ADAM18: variants seen among roughly 807,000 people sequenced by gnomAD.
ADAM18 encodes the protein disintegrin and metalloproteinase domain-containing protein 18.
In ADAM18, 117 loss-of-function variants were observed where a neutral mutation model predicts 94.4. The ratio of observed to expected loss-of-function variants is 1.24; its 90% CI spans 1.07 to 1.45. The LOEUF (loss-of-function observed/expected upper bound fraction) is 1.45. Ranked by LOEUF, ADAM18 falls within the 40% of genes most tolerant of loss-of-function variation. The pLI is 0.00. For synonymous variants in ADAM18, 327 were observed against 291.6 expected, an observed-to-expected ratio of 1.12 and a Z score of -1.24; for missense variants, 936 against 880.0, an observed-to-expected ratio of 1.06 and a Z score of -0.81.
At chr8:39,701,346 CT>C (rs1822073096) in intron 17 of ADAM18, among the ~76,000 whole-genome samples, 1 of 151,428 alleles carries the variant, frequency 6.6e-6, no homozygotes, top group African/African-American at 2.4e-5. Context: ...CTAATTTTCA[CT>C]TTTTAATACG....
At chr8:39,629,333 CAT>C in intron 6 of ADAM18, 39 bp from the exon 7 acceptor site, 1 of 1,434,226 alleles carries the variant, frequency 7.0e-7, no homozygotes, top group Non-Finnish European at 9.6e-7. Flanking sequence ...AAATTCAATA[CAT>C]GTTAACATTT....
At chr8:39,676,131 C>T (rs1821294837) in intron 14 of ADAM18, among the ~76,000 whole-genome samples, 1 of 152,180 alleles carries the variant, frequency 6.6e-6, no homozygotes, top group South Asian at 2.1e-4. Context: ...GCAGTCTGTC[C>T]CTTCTCAGAG....
chr8:39,710,456 G>C (rs1822364661), intron 18 of ADAM18, among the ~76,000 whole-genome samples: 1 of 152,154 alleles, frequency 6.6e-6, no homozygotes, highest in Non-Finnish European at 1.5e-5. Context: ...GTTGAAGAAA[G>C]TCAGTACTTG....
At chr8:39,599,333 G>A (rs566274519) in intron 2 of ADAM18, among the ~76,000 whole-genome samples, 1 of 152,258 alleles carries the variant, frequency 6.6e-6, no homozygotes, top group South Asian at 2.1e-4. Flanking sequence ...TGTTGAATAA[G>A]ATTTGCTAAT....
Position 39,723,877 on chromosome 8 carries a change from CAT to C in ADAM18, c.2148_2149del (p.Cys717Ter). The C allele has an allele frequency of 6.4e-7, 1 of 1,557,390 alleles. No homozygotes were observed. Among genetic ancestry groups the C allele is most frequent in the Non-Finnish European group, 8.7e-7 (1 of 1,149,854 alleles). ...TTTAAAAGAAATGAAATAAGTAAAT[CAT>C]GTAACAGAGAGAATGCAGAGTATAA... On this transcript the variant is annotated frameshift_variant, in exon 19 of 20. Coordinates refer to ENST00000265707, the MANE Select transcript of ADAM18 (RefSeq NM_014237.3). LOFTEE classifies it low-confidence loss of function (END_TRUNC).
intron 7 of ADAM18, among the ~76,000 whole-genome samples, chr8:39,632,676 TAGTG>T (rs1396860561): frequency 6.6e-6 from 1 of 152,116 alleles, no homozygotes; most frequent in Non-Finnish European, 1.5e-5. Context: ...TCAAATAAGT[TAGTG>T]AGTTTTCTTC....
At chr8:39,637,222 T>C in intron 7 of ADAM18, 42 bp from the exon 8 acceptor site, 1 of 1,410,990 alleles carries the variant, frequency 7.1e-7, no homozygotes, top group Non-Finnish European at 9.8e-7. Flanking sequence ...TTCACATGGA[T>C]TCAAAATAAT....
intron 7 of ADAM18, among the ~76,000 whole-genome samples, chr8:39,631,658 C>A (rs1236362985): frequency 6.6e-6 from 1 of 151,744 alleles, no homozygotes; most frequent in African/African-American, 2.4e-5. Context: ...ATTCTGGGCC[C>A]CTTTTATTTA....
intron 14 of ADAM18, among the ~76,000 whole-genome samples, chr8:39,672,478 A>G (rs966559684): frequency 6.6e-6 from 1 of 152,190 alleles, no homozygotes; most frequent in African/African-American, 2.4e-5. Context: ...GAGAGTTAAT[A>G]TAATACGATT....
At position 39,610,643 on chromosome 8, in the gene ADAM18, A is replaced by G. The variant is rs1408357821; in HGVS notation, c.459A>G (p.Leu153=). 3 of 1,613,036 alleles carry G rather than the reference A, an allele frequency of 1.9e-6. No individual in the cohort carries two copies. Among genetic ancestry groups the G allele is most frequent in the Admixed American group, 1.7e-5 (1 of 59,968 alleles). The part of the protein sequence containing the change: ...MKNNDPNVSI[L]AVNYSHIWQK... Reference sequence around the variant, plus strand: ...ATAATGATCCAAATGTATCCATTTTAGCAGTAAATTACAGTCATATTTGGC... The same window carrying G: ...ATAATGATCCAAATGTATCCATTTTGGCAGTAAATTACAGTCATATTTGGC... Residue 153 remains leucine, a synonymous_variant, in exon 6 of 20, where the codon TTA becomes TTG. Coordinates refer to ENST00000265707, the MANE Select transcript of ADAM18 (RefSeq NM_014237.3).
chr8:39,669,584 C>A (rs1461690502), intron 14 of ADAM18, among the ~76,000 whole-genome samples: 13 of 150,664 alleles, frequency 8.6e-5, no homozygotes, highest in African/African-American at 3.2e-4. Flanking sequence ...TTGTCCTTGC[C>A]ATAGTTTGCT....
intron 12 of ADAM18, among the ~76,000 whole-genome samples, chr8:39,653,003 T>C (rs1350291038): frequency 6.6e-6 from 1 of 152,048 alleles, no homozygotes; most frequent in Non-Finnish European, 1.5e-5. Flanking sequence ...AGGAGTAAAA[T>C]GGTGCTACCA....
At chr8:39,643,785 T>C (rs1332941614) in intron 10 of ADAM18, among the ~76,000 whole-genome samples, 3 of 151,602 alleles carry the variant, frequency 2.0e-5, no homozygotes, top group African/African-American at 7.3e-5. Context: ...TTTATCTAAA[T>C]ACCTTCTTTT....
chr8:39,661,415 C>A (rs1031499239), intron 12 of ADAM18, among the ~76,000 whole-genome samples: 2 of 145,392 alleles, frequency 1.4e-5, no homozygotes, highest in Non-Finnish European at 3.0e-5. Flanking sequence ...ACCTCGTGAT[C>A]CGCCTTCCTC....
chr8:39,628,332 T>C (rs1819830633), intron 6 of ADAM18, among the ~76,000 whole-genome samples: 1 of 151,940 alleles, frequency 6.6e-6, no homozygotes, highest in Non-Finnish European at 1.5e-5. Flanking sequence ...AGAGGATATA[T>C]AGATGGATAG....
intron 12 of ADAM18, 85 bp from the exon 13 acceptor site, chr8:39,663,710 A>T (rs1820911819): frequency 1.2e-6 from 1 of 835,214 alleles, no homozygotes; most frequent in Non-Finnish European, 2.0e-6. Flanking sequence ...TGTACACAAC[A>T]GAATATTAAA....
At chr8:39,584,787 T>G in intron 1 of ADAM18, 110 bp downstream of exon 1, 1 of 1,295,644 alleles carries the variant, frequency 7.7e-7, no homozygotes, top group Non-Finnish European at 1.1e-6. Context: ...CCTTCTGGGA[T>G]CCCATGCTGG....
chr8:39,675,297 A>T (rs1821270410), intron 14 of ADAM18, among the ~76,000 whole-genome samples: 1 of 151,988 alleles, frequency 6.6e-6, no homozygotes, highest in African/African-American at 2.4e-5. Context: ...ATAGTCCCAT[A>T]TTTCTTGGAG....
chr8:39,665,556 C>G (rs555860692), intron 13 of ADAM18, among the ~76,000 whole-genome samples: 1 of 152,156 alleles, frequency 6.6e-6, no homozygotes, highest in Non-Finnish European at 1.5e-5. Flanking sequence ...TGAGTTCCCA[C>G]CAGACACTTA....
Sources: gnomAD v4.1 joint callset for allele counts (sites outside exome capture counted in the v4.1 genomes callset) on GRCh38, gnomAD v4.1.1 for gene constraint, MANE v1.5 for transcripts, NCBI Gene and HGNC (gene_info 2026-07-23, HGNC 2026-07-21) for gene names.